NTRK3: variants seen among roughly 807,000 people sequenced by gnomAD.
NTRK3 encodes the protein NT-3 growth factor receptor.
A neutral mutation model predicts 91.7 loss-of-function variants in NTRK3; 24 were observed. The observed-to-expected ratio is 0.26, with a 90% CI of 0.19 to 0.37. The LOEUF (loss-of-function observed/expected upper bound fraction) is 0.37, where lower values mean the gene tolerates loss of function less well. NTRK3 is among the 10% of genes least tolerant of loss of function. NTRK3 has a pLI of 1.00. For missense variants in NTRK3, 880 were observed against 1,068.9 expected (o/e 0.82, Z 2.46); for synonymous variants, 483 against 404.0 (o/e 1.20, Z -2.34).
chr15:87,909,645 T>C (rs934414445), intron 17 of NTRK3, among the ~76,000 whole-genome samples: 3 of 152,190 alleles, frequency 2.0e-5, no homozygotes, highest in African/African-American at 7.2e-5. Flanking sequence ...CCCCAACACA[T>C]GCTCATTATG....
At chr15:88,210,678 CAG>C (rs1030911319) in intron 3 of NTRK3, among the ~76,000 whole-genome samples, 83 of 152,342 alleles carry the variant, frequency 5.4e-4, no homozygotes, top group African/African-American at 2.0e-3. Context: ...TCTAAGTTTA[CAG>C]AGTCTTTAGA....
chr15:87,934,641 C>G (rs1371830725), intron 15 of NTRK3, among the ~76,000 whole-genome samples: 1 of 152,118 alleles, frequency 6.6e-6, no homozygotes, highest in Non-Finnish European at 1.5e-5. Flanking sequence ...AAATGATGGA[C>G]TTTTAGTATG....
intron 3 of NTRK3, among the ~76,000 whole-genome samples, chr15:88,208,306 C>G (rs2048960259): frequency 6.6e-6 from 1 of 151,956 alleles, no homozygotes; most frequent in Non-Finnish European, 1.5e-5. Flanking sequence ...TCTCCACCCC[C>G]TTTGGATGTC....
chr15:88,096,367 C>G (rs1028672522), intron 13 of NTRK3, among the ~76,000 whole-genome samples: 1 of 152,178 alleles, frequency 6.6e-6, no homozygotes, highest in Admixed American at 6.5e-5. Context: ...GAATCACCCA[C>G]GATGACTATC....
chr15:87,943,719 A>G (rs2070137272), intron 14 of NTRK3, among the ~76,000 whole-genome samples: 1 of 151,928 alleles, frequency 6.6e-6, no homozygotes, highest in Non-Finnish European at 1.5e-5. Context: ...CCCCTGAGAG[A>G]TTCAGACAAG....
intron 6 of NTRK3, among the ~76,000 whole-genome samples, chr15:88,145,776 C>T (rs1443071643): frequency 6.6e-6 from 1 of 152,162 alleles, no homozygotes; most frequent in Non-Finnish European, 1.5e-5. Flanking sequence ...TAATTACATG[C>T]AAGACACCCA....
Position 88,235,355 on chromosome 15 carries a change from AG to A in NTRK3, c.248+20550del, listed in dbSNP as rs960309303. ...GCTGGGCTGGTCGCTGGACCCACGCAGTCAGTACCCTGCCGCAGACAGTGGA... is the reference window on the plus strand; with the variant it reads ...GCTGGGCTGGTCGCTGGACCCACGCATCAGTACCCTGCCGCAGACAGTGGA... On this transcript the variant is annotated intron_variant, in intron 3 of 18. Transcript: ENST00000394480. The surrounding 1 kb of genome is among the most constrained non-coding windows in gnomAD (Gnocchi z 5.2). Among the ~76,000 whole-genome samples the A allele has an allele frequency of 2.2e-4, 33 of 152,172 alleles. No homozygotes were observed. The highest frequency in any genetic ancestry group is 7.0e-4 in the African/African-American group (29 of 41,442).
chr15:87,982,630 TA>T (rs2074385870), intron 14 of NTRK3, among the ~76,000 whole-genome samples: 1 of 152,104 alleles, frequency 6.6e-6, no homozygotes, highest in African/African-American at 2.4e-5. Flanking sequence ...AGGGACACTG[TA>T]AATGGAGCTT....
At chr15:88,057,744 G>A (rs572609417) in intron 13 of NTRK3, among the ~76,000 whole-genome samples, 1 of 152,336 alleles carries the variant, frequency 6.6e-6, no homozygotes, top group Admixed American at 6.5e-5. Flanking sequence ...CCCACTTCCA[G>A]CCACCCAGGG....
chr15:87,875,825 G>C (rs1022091424), exon 19 of NTRK3: 28 of 232,512 alleles, frequency 1.2e-4, no homozygotes, highest in Admixed American at 2.3e-4. Context: ...CCAGGAAGTG[G>C]GGTCTAGGAT....
chr15:88,070,381 C>T (rs1375668008), intron 13 of NTRK3, among the ~76,000 whole-genome samples: 1 of 151,936 alleles, frequency 6.6e-6, no homozygotes, highest in African/African-American at 2.4e-5. Context: ...CAGGGGCGGG[C>T]TACCCACAGA....
chr15:88,111,326 T>C (rs1475844907), intron 13 of NTRK3, among the ~76,000 whole-genome samples: 1 of 152,140 alleles, frequency 6.6e-6, no homozygotes, highest in Admixed American at 6.5e-5. Context: ...AATACTTGCA[T>C]CCTTGGAGAG....
intron 17 of NTRK3, among the ~76,000 whole-genome samples, chr15:87,914,891 C>A (rs2067336373): frequency 1.3e-5 from 2 of 152,228 alleles, no homozygotes; most frequent in Admixed American, 1.3e-4. Context: ...TACCAGTCAA[C>A]TTTGGAACAT....
chr15:88,145,849 GTGT>G (rs1023911518), intron 6 of NTRK3, among the ~76,000 whole-genome samples: 1 of 107,904 alleles, frequency 9.3e-6, no homozygotes, highest in African/African-American at 5.7e-5. Context: ...CCACAATCAT[GTGT>G]TTTTTTTAAA....
At chr15:87,993,748 T>A (rs2075464697) in intron 14 of NTRK3, among the ~76,000 whole-genome samples, 2 of 151,974 alleles carry the variant, frequency 1.3e-5, no homozygotes, top group South Asian at 2.1e-4. Context: ...GTCCTCCAAA[T>A]CTCCAAATAA....
chr15:88,250,360 T>C (rs2053227573), intron 3 of NTRK3, among the ~76,000 whole-genome samples: 1 of 152,262 alleles, frequency 6.6e-6, no homozygotes, highest in Non-Finnish European at 1.5e-5. Context: ...AATGGGACTG[T>C]TAAGCTCTGC....
intron 14 of NTRK3, among the ~76,000 whole-genome samples, chr15:87,954,050 GTGTGTGTGTA>G (rs1407069730): frequency 2.1e-5 from 3 of 140,594 alleles, no homozygotes; most frequent in African/African-American, 3.0e-5. Context: ...GTGTGTGTGT[GTGTGTGTGTA>G]TGCTTTTTTT....
In NTRK3 at chr15:88,101,634, T is replaced by C. The variant is rs531384528; in HGVS notation, c.1396+24637A>G. Among the ~76,000 whole-genome samples, 5 of 152,296 alleles carry C rather than the reference T, an allele frequency of 3.3e-5. No individual in the cohort carries two copies. The East Asian group carries it at 7.7e-4, about 23-fold the overall frequency. On this transcript the variant is annotated intron_variant, in intron 13 of 18. Coordinates refer to ENST00000394480, the Ensembl canonical transcript of NTRK3. ...AACCAACCCAAATGTCCAACAATGATAGACTGGATTAAGAAAATGTGGCAC... is the reference window on the plus strand; with the variant it reads ...AACCAACCCAAATGTCCAACAATGACAGACTGGATTAAGAAAATGTGGCAC...
intron 6 of NTRK3, among the ~76,000 whole-genome samples, chr15:88,141,423 A>G (rs1377844463): frequency 6.6e-6 from 1 of 152,118 alleles, no homozygotes; most frequent in African/African-American, 2.4e-5. Flanking sequence ...AGGCCAGAGG[A>G]GGTGGAGCAG....
Sources: allele counts gnomAD v4.1 joint callset (sites outside exome capture counted in the v4.1 genomes callset), GRCh38; gene constraint gnomAD v4.1.1; non-coding constraint Gnocchi (gnomAD v3.1); transcripts MANE v1.5; gene names NCBI Gene and HGNC (gene_info 2026-07-23, HGNC 2026-07-21).